KCNJ9: variants seen among roughly 807,000 people sequenced by gnomAD.
KCNJ9 encodes G protein-activated inward rectifier potassium channel 3.
KCNJ9 carries 18 observed loss-of-function variants against 27.9 expected under a neutral mutation model. That is an observed-to-expected ratio of 0.65 (90% CI 0.45 to 0.96). The LOEUF is 0.96. Among genes scored for constraint, KCNJ9 ranks in the 40% least tolerant of loss-of-function variants. The pLI, the probability that KCNJ9 is intolerant of heterozygous loss-of-function variation, is 0.00. For missense variants in KCNJ9, 324 were observed against 557.5 expected (o/e 0.58, Z 4.22); for synonymous variants, 229 against 248.2 (o/e 0.92, Z 0.73).
In KCNJ9 at chr1:160,084,727, G is replaced by C. The variant is rs901510572; in HGVS notation, c.697G>C (p.Asp233His). The C allele has an allele frequency of 6.3e-7, 1 of 1,585,912 alleles. No individual in the cohort carries two copies. Among genetic ancestry groups the C allele is most frequent in the African/African-American group, 1.3e-5 (1 of 74,390 alleles). ...LHQTDLSVGF[D>H]TGDDRLFLVS... ...CCAGACCGACCTCAGCGTGGGCTTC[G>C]ACACGGGAGACGACCGCCTCTTCCT... The change falls in exon 2 of 3, where the codon GAC becomes CAC. Residue 233 changes from aspartate to histidine, a missense_variant. Physicochemically the swap from Asp to His is moderately conservative, Grantham distance 81. Around this residue, in one of 3 missense-constraint regions of KCNJ9, gnomAD observed 241 missense variants for 481.7 expected, o/e 0.50. Transcript: ENST00000368088.
At chr1:160,085,000 A>G in intron 2 of KCNJ9, 120 bp downstream of exon 2, 1 of 1,157,356 alleles carries the variant, frequency 8.6e-7, no homozygotes, top group East Asian at 2.6e-5. Flanking sequence ...CTGGTGGAGG[A>G]TGAGACAGTG....
Position 160,084,439 on chromosome 1 carries a change from G to C in KCNJ9, c.409G>C (p.Val137Leu), listed in dbSNP as rs1315325941. ...VITDQCPEGI[V>L]LLLLQAILGS... ...CACCGACCAGTGCCCCGAGGGCATC[G>C]TGCTGCTGCTGCTGCAGGCCATCCT... The change falls in exon 2 of 3, where the codon GTG becomes CTG. Residue 137 changes from valine (V) to leucine (L), a missense_variant. Val to Leu is a conservative substitution (Grantham distance 32, BLOSUM62 1). Coordinates refer to ENST00000368088, the MANE Select transcript of KCNJ9 (RefSeq NM_004983.3). 1 of 1,613,552 alleles carries C rather than the reference G, an allele frequency of 6.2e-7. No homozygotes were observed. The highest frequency in any genetic ancestry group is 8.5e-7 in the Non-Finnish European group (1 of 1,179,842).
rs1409572044 is a variant in KCNJ9 at position 160,087,937 on chromosome 1, T to G, written c.*120T>G. The G allele has an allele frequency of 9.5e-7, 1 of 1,047,262 alleles. No homozygotes were observed. Among genetic ancestry groups the G allele is most frequent in the East Asian group, 3.0e-5 (1 of 33,452 alleles). 64.9% of individuals were successfully genotyped at this position (1,047,262 alleles called of 1,614,324 possible). A position where few individuals can be genotyped will look rare whatever the true frequency, so the allele number is the denominator to read the frequency against. On this transcript the variant is annotated 3_prime_UTR_variant, in exon 3 of 3. Coordinates refer to ENST00000368088, the MANE Select transcript of KCNJ9 (RefSeq NM_004983.3). ...GAAGGCAAAGCCCCTGGAAATGTGC[T>G]AAAGTTGGAAAGTCCCCGTCCCCCA...
In KCNJ9 at chr1:160,089,503, C is replaced by T. The variant is rs77173151; in HGVS notation, c.*1686C>T. 1,187 of 152,460 alleles carry T rather than the reference C, an allele frequency of 7.8e-3. 16 individuals carry two copies. The highest frequency in any genetic ancestry group is 0.027 in the African/African-American group (1,125 of 41,538). 9.4% of individuals were successfully genotyped at this position (152,460 alleles called of 1,614,324 possible). A position where few individuals can be genotyped will look rare whatever the true frequency, so the allele number is the denominator to read the frequency against. ...AGAGTTTTAGGGGCAAAGGACAGAACCCCTTGTAGGACTGGAGGCAAGATT... is the reference window on the plus strand; with the variant it reads ...AGAGTTTTAGGGGCAAAGGACAGAATCCCTTGTAGGACTGGAGGCAAGATT... On this transcript the variant is annotated 3_prime_UTR_variant, in exon 3 of 3. Transcript: ENST00000368088.
rs1649748285 is a variant in KCNJ9 at position 160,084,858 on chromosome 1, C to T, written c.828C>T (p.Leu276=). ...ERDDFEIVVI[L]EGMVEATGMT... ...ACGACTTCGAGATCGTCGTTATCCT[C>T]GAGGGCATGGTGGAAGCCACGGGTG... Residue 276 remains leucine, a synonymous_variant, in exon 2 of 3, where the codon CTC becomes CTT. Coordinates refer to ENST00000368088, the MANE Select transcript of KCNJ9 (RefSeq NM_004983.3). 6.5e-7 allele frequency: 1 copy of T among 1,532,714 alleles called. No individual in the cohort carries two copies. Among genetic ancestry groups the T allele is most frequent in the Non-Finnish European group, 8.8e-7 (1 of 1,139,046 alleles). The allele number at this position is 1,532,714 out of a possible 1,614,324, so 94.9% of individuals were successfully genotyped here. A position where few individuals can be genotyped will look rare whatever the true frequency, so the allele number is the denominator to read the frequency against.
Position 160,084,378 on chromosome 1 carries a change from G to A in KCNJ9, c.348G>A (p.Glu116=), listed in dbSNP as rs1297018639. 2 of 1,613,700 alleles carry A rather than the reference G, an allele frequency of 1.2e-6. No individual in the cohort carries two copies. The highest frequency in any genetic ancestry group is 1.7e-4 in the Middle Eastern group (1 of 6,060). ...TGGCCGCCTTCCTCTTCTCCATCGA[G>A]ACCGAGACCACCATCGGCTACGGGC... is the stretch of plus-strand genomic sequence containing the variant. The part of the protein sequence containing the change: ...GFVAAFLFSI[E]TETTIGYGHR... Residue 116 remains glutamate (E), a synonymous_variant, in exon 2 of 3, where the codon GAG becomes GAA. Transcript: ENST00000368088.
chr1:160,084,674 C>G lies in KCNJ9; in HGVS notation c.644C>G (p.Thr215Arg). The G allele has an allele frequency of 1.3e-6, 2 of 1,592,988 alleles. No homozygotes were observed. Among genetic ancestry groups the G allele is most frequent in the Non-Finnish European group, 8.5e-7 (1 of 1,169,824 alleles). The change falls in exon 2 of 3, where the codon ACG (threonine) becomes AGG (arginine). Residue 215 changes from threonine (T) to arginine (R), a missense_variant. Around this residue, in one of 3 missense-constraint regions of KCNJ9, gnomAD observed 241 missense variants for 481.7 expected, o/e 0.50. Transcript: ENST00000368088. The stretch of plus-strand genomic sequence containing the variant: ...GCCAAGCTCATCCGCTCGCGCCAGA[C>G]GCTGGAGGGCGAGTTCATCCCGCTG... ...IRAKLIRSRQ[T>R]LEGEFIPLHQ... is the part of the protein sequence containing the mutation.
intron 2 of KCNJ9, among the ~76,000 whole-genome samples, 179 bp from the exon 3 acceptor site, chr1:160,087,307 C>T (rs1649792802): frequency 6.6e-6 from 1 of 151,722 alleles, no homozygotes; most frequent in Admixed American, 6.6e-5. Context: ...ATGGAGAAGA[C>T]ACGAGGGAGC....
At position 160,084,279 on chromosome 1, in the gene KCNJ9, C is replaced by T. The variant is rs1375302894; in HGVS notation, c.249C>T (p.Ala83=). The change falls in exon 2 of 3, where the codon GCC becomes GCT. Residue 83 remains alanine, a synonymous_variant. Transcript: ENST00000368088. ...TCGGCGCCATCTGGTGGCTGATCGCCTACGGCCGCGGCGACCTGGAGCACC... is the reference window on the plus strand; with the variant it reads ...TCGGCGCCATCTGGTGGCTGATCGCTTACGGCCGCGGCGACCTGGAGCACC... ...LFFGAIWWLI[A]YGRGDLEHLE... The T allele has an allele frequency of 1.2e-6, 2 of 1,613,360 alleles. No homozygotes were observed. The highest frequency in any genetic ancestry group is 1.3e-5 in the African/African-American group (1 of 74,936).
chr1:160,086,552 G>T lies in KCNJ9; in HGVS notation c.851-934G>T, dbSNP rs565402037. Among the ~76,000 whole-genome samples the T allele has an allele frequency of 5.9e-5, 9 of 152,252 alleles. No individual in the cohort carries two copies. In the East Asian group the frequency reaches 1.7e-3, roughly 29 times the overall value. On this transcript the variant is annotated intron_variant, in intron 2 of 2. Coordinates refer to ENST00000368088, the MANE Select transcript of KCNJ9 (RefSeq NM_004983.3). ...AACCCAGCAAGATGACATTTAAAATGAATAAATATAAAATTCTACATTTAG... is the reference window on the plus strand; with the variant it reads ...AACCCAGCAAGATGACATTTAAAATTAATAAATATAAAATTCTACATTTAG...
At position 160,089,291 on chromosome 1, in the gene KCNJ9, G is replaced by A. The variant is rs1019648520; in HGVS notation, c.*1474G>A. 2.6e-5 allele frequency: 4 copies of A among 152,340 alleles called. No homozygotes were observed. The highest frequency in any genetic ancestry group is 7.2e-5 in the African/African-American group (3 of 41,444). The allele number at this position is 152,340 out of a possible 1,614,324, so 9.4% of individuals were successfully genotyped here. The stretch of plus-strand genomic sequence containing the variant: ...AAATGTGAAGGGTGGGGTTTTATGT[G>A]TGGGAAAGGGACCCGAAGCCCAGGC... On this transcript the variant is annotated 3_prime_UTR_variant, in exon 3 of 3. Transcript: ENST00000368088.
chr1:160,082,899 G>A (rs1362915284), intron 1 of KCNJ9, among the ~76,000 whole-genome samples: 1 of 152,126 alleles, frequency 6.6e-6, no homozygotes, highest in Admixed American at 6.5e-5. Context: ...AAATCAGGTG[G>A]GCTTCGCTTG....
In KCNJ9 at chr1:160,084,744, C is replaced by T. The variant is rs757191851; in HGVS notation, c.714C>T (p.Arg238=). Residue 238 remains arginine (R), a synonymous_variant, in exon 2 of 3, where the codon CGC becomes CGT. Coordinates refer to ENST00000368088, the MANE Select transcript of KCNJ9 (RefSeq NM_004983.3). ...LSVGFDTGDD[R]LFLVSPLVIS... ...TGGGCTTCGACACGGGAGACGACCG[C>T]CTCTTCCTCGTCTCGCCGCTGGTTA... is the stretch of plus-strand genomic sequence containing the variant. 4.1e-5 allele frequency: 65 copies of T among 1,581,616 alleles called. No homozygotes were observed. The highest frequency in any genetic ancestry group is 5.3e-5 in the Non-Finnish European group (62 of 1,164,046).
chr1:160,087,761 G>C lies in KCNJ9; in HGVS notation c.1126G>C (p.Ala376Pro). 1 of 1,472,136 alleles carries C rather than the reference G, an allele frequency of 6.8e-7. No individual in the cohort carries two copies. The highest frequency in any genetic ancestry group is 2.1e-5 in the Admixed American group (1 of 46,796). The allele number at this position is 1,472,136 out of a possible 1,614,324, so 91.2% of individuals were successfully genotyped here. Residue 376 changes from alanine (A) to proline (P), a missense_variant, in exon 3 of 3, where the codon GCT (alanine) becomes CCT (proline). Transcript: ENST00000368088. ...GGAGGGGGCGGGTGGGGAAGCTGGGGCTGACAAGGAGCAGAATGGCTGCCT... is the reference window on the plus strand; with the variant it reads ...GGAGGGGGCGGGTGGGGAAGCTGGGCCTGACAAGGAGCAGAATGGCTGCCT... The part of the protein sequence containing the change: ...AGEGAGGEAG[A>P]DKEQNGCLPP...
In KCNJ9 at chr1:160,084,263, T is replaced by C; in HGVS notation, c.233T>C (p.Ile78Thr). ...CTCACCTGGCTCTTCTTCGGCGCCA[T>C]CTGGTGGCTGATCGCCTACGGCCGC... ...YALTWLFFGAIWWLIAYGRGD... is the reference protein window; with the variant it reads ...YALTWLFFGATWWLIAYGRGD... Residue 78 changes from isoleucine (I) to threonine (T), a missense_variant, in exon 2 of 3, where the codon ATC becomes ACC. Ile to Thr is a moderately conservative substitution (Grantham distance 89). Transcript: ENST00000368088. The C allele has an allele frequency of 6.2e-7, 1 of 1,613,452 alleles. No individual in the cohort carries two copies. Among genetic ancestry groups the C allele is most frequent in the Non-Finnish European group, 8.5e-7 (1 of 1,179,860 alleles).
Position 160,084,234 on chromosome 1 carries a change from C to A in KCNJ9, c.204C>A (p.Tyr68Ter). The change falls in exon 2 of 3, where the codon TAC becomes TAA. Residue 68 changes from tyrosine to a stop codon, truncating the protein, a stop_gained. Coordinates refer to ENST00000368088, the MANE Select transcript of KCNJ9 (RefSeq NM_004983.3). LOFTEE classifies it high-confidence loss of function. ...GCCTGTTGTTCTTCGTCCTGGCCTA[C>A]GCGCTCACCTGGCTCTTCTTCGGCG... ...RLSLLFFVLAYALTWLFFGAI... is the reference protein window; with the variant it reads ...RLSLLFFVLA The A allele has an allele frequency of 1.2e-6, 2 of 1,613,406 alleles. No homozygotes were observed. The highest frequency in any genetic ancestry group is 1.1e-5 in the South Asian group (1 of 91,022).
Position 160,085,642 on chromosome 1 carries a change from A to G in KCNJ9, c.850+762A>G, listed in dbSNP as rs139057356. ...AACTGGCAACTCATCTGTGATGTCA[A>G]TAAGTCCAACCCAGACCTACACAGT... On this transcript the variant is annotated intron_variant, in intron 2 of 2. Transcript: ENST00000368088. Among the ~76,000 whole-genome samples, 810 of 152,150 alleles carry G rather than the reference A, an allele frequency of 5.3e-3. 23 individuals are homozygous for G. The highest frequency in any genetic ancestry group is 0.012 in the East Asian group (60 of 5,168).
Position 160,084,411 on chromosome 1 carries a change from C to G in KCNJ9, c.381C>G (p.Val127=), listed in dbSNP as rs1649739595. ...TETTIGYGHR[V]ITDQCPEGIV... ...CCACCATCGGCTACGGGCACCGCGT[C>G]ATCACCGACCAGTGCCCCGAGGGCA... Residue 127 remains valine, a synonymous_variant, in exon 2 of 3, where the codon GTC becomes GTG. Transcript: ENST00000368088. 6.2e-7 allele frequency: 1 copy of G among 1,613,524 alleles called. No homozygotes were observed.
chr1:160,087,000 A>C (rs1024350612), intron 2 of KCNJ9, among the ~76,000 whole-genome samples: 1 of 152,240 alleles, frequency 6.6e-6, no homozygotes, highest in Non-Finnish European at 1.5e-5. Context: ...AATGAAGCCA[A>C]GAGTTGGAAA....
Sources: gnomAD v4.1 joint callset for allele counts (sites outside exome capture counted in the v4.1 genomes callset) on GRCh38, gnomAD v4.1.1 for gene constraint, gnomAD v4.1.1 regional missense constraint, MANE v1.5 for transcripts, NCBI Gene and HGNC (gene_info 2026-07-23, HGNC 2026-07-21) for gene names.